The following ERMN variants were observed in gnomAD, a reference collection of about 807,000 sequenced individuals.
ERMN encodes the protein ermin.
Under a neutral mutation model 21.4 loss-of-function variants are expected in ERMN, and 17 were observed. The observed-to-expected ratio is 0.80, with a 90% CI of 0.54 to 1.19. The LOEUF is 1.19. ERMN is among the 50% of genes most tolerant of loss of function. The pLI, the probability that ERMN is intolerant of heterozygous loss-of-function variation, is 0.00. For synonymous variants in ERMN, 115 were observed against 111.9 expected, an observed-to-expected ratio of 1.03 and a Z score of -0.17; for missense variants, 348 against 331.6, an observed-to-expected ratio of 1.05 and a Z score of -0.38.
Position 157,321,385 on chromosome 2 carries a change from C to T in ERMN, c.741G>A (p.Lys247=). ...TPDEQPTLGK[K]SDISRNAYSR... ...AATAAGCATTTCTGGAGATATCACT[C>T]TTCTTCCCTAAGGTTGGCTGCTCAT... Residue 247 remains lysine (K), a synonymous_variant, in exon 3 of 3, where the codon AAG becomes AAA. Coordinates refer to ENST00000410096, the MANE Select transcript of ERMN (RefSeq NM_020711.3). The T allele has an allele frequency of 6.2e-7, 1 of 1,614,136 alleles. No individual in the cohort carries two copies. The highest frequency in any genetic ancestry group is 8.5e-7 in the Non-Finnish European group (1 of 1,180,004).
rs1253333573 is a variant in ERMN at position 157,320,079 on chromosome 2, C to T, written c.*1192G>A. On this transcript the variant is annotated 3_prime_UTR_variant, in exon 3 of 3. Coordinates refer to ENST00000410096, the MANE Select transcript of ERMN (RefSeq NM_020711.3). ...AAGTTCAGGGTAATATATATGGAAG[C>T]ATGAAATGAAAAATTGTGGAACAAA... The T allele has an allele frequency of 6.6e-6, 1 of 152,128 alleles. No homozygotes were observed. The highest frequency in any genetic ancestry group is 2.4e-5 in the African/African-American group (1 of 41,412). The allele number at this position is 152,128 out of a possible 1,614,324, so 9.4% of individuals were successfully genotyped here.
At chr2:157,325,890 A>G (rs1290638503), upstream of ERMN, 1 of 1,389,912 alleles carries the variant, frequency 7.2e-7, no homozygotes, top group Non-Finnish European at 9.3e-7. Flanking sequence ...GCCAATCACC[A>G]CCTTCTTTGT....
intron 2 of ERMN, chr2:157,324,239 T>A: frequency 4.3e-6 from 1 of 231,574 alleles, no homozygotes; most frequent in Middle Eastern, 6.8e-4. Context: ...ACCATTGCAC[T>A]CCAGCCTGGG....
At chr2:157,324,842 T>C in intron 1 of ERMN, 80 bp from the exon 2 acceptor site, 1 of 986,094 alleles carries the variant, frequency 1.0e-6, no homozygotes, top group Non-Finnish European at 1.5e-6. Flanking sequence ...CAATTTAAAC[T>C]CTAGGTAGAA....
chr2:157,325,899 G>A (rs1304236966), upstream of ERMN: 3 of 1,382,878 alleles, frequency 2.2e-6, no homozygotes, highest in Non-Finnish European at 2.8e-6. Context: ...CACCTTCTTT[G>A]TTGCTTGCCA....
Position 157,321,136 on chromosome 2 carries a change from T to G in ERMN, c.*135A>C. 7.7e-7 allele frequency: 1 copy of G among 1,294,946 alleles called. No individual in the cohort carries two copies. The highest frequency in any genetic ancestry group is 2.3e-5 in the East Asian group (1 of 42,590). The allele number at this position is 1,294,946 out of a possible 1,614,324, so 80.2% of individuals were successfully genotyped here. A position where few individuals can be genotyped will look rare whatever the true frequency, so the allele number is the denominator to read the frequency against. Reference sequence around the variant, plus strand: ...TTATCTAGGGTTATTTCCACATTATTCTACAGTGAAAAAGAGAGTCAACTT... The same window carrying G: ...TTATCTAGGGTTATTTCCACATTATGCTACAGTGAAAAAGAGAGTCAACTT... On this transcript the variant is annotated 3_prime_UTR_variant, in exon 3 of 3. Coordinates refer to ENST00000410096, the MANE Select transcript of ERMN (RefSeq NM_020711.3).
upstream of ERMN, among the ~76,000 whole-genome samples, chr2:157,326,338 G>A (rs1684067269): frequency 6.6e-6 from 1 of 152,160 alleles, no homozygotes; most frequent in Admixed American, 6.5e-5. Flanking sequence ...GCTGGAGAAG[G>A]GACCTATGAA....
rs749935987 is a variant in ERMN, at chr2:157,321,549, T to C, written c.577A>G (p.Asn193Asp). 4.3e-6 allele frequency: 7 copies of C among 1,612,946 alleles called. No homozygotes were observed. The highest frequency in any genetic ancestry group is 2.2e-5 in the East Asian group (1 of 44,856). The change falls in exon 3 of 3, where the codon AAT becomes GAT. Residue 193 changes from asparagine (N) to aspartate (D), a missense_variant. By Grantham distance (23) the Asn-to-Asp change is conservative (BLOSUM62 1). Transcript: ENST00000410096. The stretch of plus-strand genomic sequence containing the variant: ...ACTTCATCTTCATCATTATTGCAAT[T>C]ATCATCATCATCATCATCAATTTCT... ...DEEIDDDDDDNCNNDEDEVRV... is the reference protein window; with the variant it reads ...DEEIDDDDDDDCNNDEDEVRV...
intron 1 of ERMN, 52 bp from the exon 2 acceptor site, chr2:157,324,814 C>G (rs756113873): frequency 2.3e-6 from 3 of 1,297,060 alleles, no homozygotes; most frequent in Non-Finnish European, 3.2e-6. Flanking sequence ...ATTTATTGTT[C>G]AACAGTTAAT....
In ERMN at chr2:157,321,302, A is replaced by G. The variant is rs1333252383; in HGVS notation, c.824T>C (p.Ile275Thr). Reference sequence around the variant, plus strand: ...ATGCATCATAGACTCGAATTCATCAATTCTTTGCTTGGTATTTCCCTTTCT... The same window carrying G: ...ATGCATCATAGACTCGAATTCATCAGTTCTTTGCTTGGTATTTCCCTTTCT... The part of the protein sequence containing the change: ...KIRKGNTKQR[I>T]DEFESMMHL Residue 275 changes from isoleucine to threonine, a missense_variant, in exon 3 of 3, where the codon ATT (isoleucine) becomes ACT (threonine). Ile to Thr is a moderately conservative substitution (Grantham distance 89, BLOSUM62 -1). Transcript: ENST00000410096. 3 of 1,613,654 alleles carry G rather than the reference A, an allele frequency of 1.9e-6. No individual in the cohort carries two copies. The highest frequency in any genetic ancestry group is 2.5e-6 in the Non-Finnish European group (3 of 1,179,816).
chr2:157,324,272 CAA>C (rs748983472), intron 2 of ERMN: 963 of 94,276 alleles, frequency 0.01, no homozygotes, highest in South Asian at 0.036. Flanking sequence ...CACTCCGTCT[CAA>C]AAAAAAAAAA....
rs1375194747 is a variant in ERMN at position 157,321,528 on chromosome 2, C to T, written c.598G>A (p.Glu200Lys). The T allele has an allele frequency of 1.2e-6, 2 of 1,614,012 alleles. No individual in the cohort carries two copies. Among genetic ancestry groups the T allele is most frequent in the Non-Finnish European group, 1.7e-6 (2 of 1,179,982 alleles). The change falls in exon 3 of 3, where the codon GAA becomes AAA. Residue 200 changes from glutamate to lysine, a missense_variant. Physicochemically the swap from Glu to Lys is moderately conservative, Grantham distance 56. Coordinates refer to ENST00000410096, the MANE Select transcript of ERMN (RefSeq NM_020711.3). ...DDDNCNNDED[E>K]VRVIEFKKKH... ...TTCTTAAATTCTATCACTCGAACTT[C>T]ATCTTCATCATTATTGCAATTATCA...
Position 157,320,126 on chromosome 2 carries a change from G to T in ERMN, c.*1145C>A, listed in dbSNP as rs1056359525. 1 of 152,396 alleles carries T rather than the reference G, an allele frequency of 6.6e-6. No individual in the cohort carries two copies. The highest frequency in any genetic ancestry group is 1.5e-5 in the Non-Finnish European group (1 of 68,000). 9.4% of individuals were successfully genotyped at this position (152,396 alleles called of 1,614,324 possible). A position where few individuals can be genotyped will look rare whatever the true frequency, so the allele number is the denominator to read the frequency against. ...CAAACTATCTAAGAATATAAATATA[G>T]TCTCTCTTTTCATAAATATTCAATA... On this transcript the variant is annotated 3_prime_UTR_variant, in exon 3 of 3. Coordinates refer to ENST00000410096, the MANE Select transcript of ERMN (RefSeq NM_020711.3).
chr2:157,320,963 C>T lies in ERMN; in HGVS notation c.*308G>A, dbSNP rs1683874417. 1 of 275,202 alleles carries T rather than the reference C, an allele frequency of 3.6e-6. No homozygotes were observed. The highest frequency in any genetic ancestry group is 6.8e-6 in the Non-Finnish European group (1 of 146,300). 17.0% of individuals were successfully genotyped at this position (275,202 alleles called of 1,614,324 possible). A position where few individuals can be genotyped will look rare whatever the true frequency, so the allele number is the denominator to read the frequency against. ...TTGATGACTACCTTTCCAAGCATTG[C>T]TACATTTATAGCCGAATTATGCCAG... On this transcript the variant is annotated 3_prime_UTR_variant, in exon 3 of 3. Transcript: ENST00000410096.
Position 157,320,999 on chromosome 2 carries a change from G to T in ERMN, c.*272C>A, listed in dbSNP as rs1280009175. On this transcript the variant is annotated 3_prime_UTR_variant, in exon 3 of 3. Coordinates refer to ENST00000410096, the MANE Select transcript of ERMN (RefSeq NM_020711.3). ...GCCGAATTATGCCAGATTCCCCCAG[G>T]GGACTGACTGCTTAGTGCTTATCAC... 2 of 355,232 alleles carry T rather than the reference G, an allele frequency of 5.6e-6. No individual in the cohort carries two copies. Among genetic ancestry groups the T allele is most frequent in the African/African-American group, 2.1e-5 (1 of 47,418 alleles). 22.0% of individuals were successfully genotyped at this position (355,232 alleles called of 1,614,324 possible).
intron 2 of ERMN, chr2:157,324,365 T>A: frequency 3.0e-6 from 1 of 329,896 alleles, no homozygotes; most frequent in South Asian, 3.3e-5. Flanking sequence ...ACACACAGAT[T>A]TGGACACACC....
chr2:157,322,473 C>T (rs2105187156), intron 2 of ERMN, among the ~76,000 whole-genome samples: 1 of 152,330 alleles, frequency 6.6e-6, no homozygotes, highest in South Asian at 2.1e-4. Flanking sequence ...TGCAAGGCTT[C>T]TGTGGGAAGT....
chr2:157,323,910 T>A lies in ERMN; in HGVS notation c.334+760A>T, dbSNP rs1408519368. Among the ~76,000 whole-genome samples, 5 of 152,196 alleles carry A rather than the reference T, an allele frequency of 3.3e-5. No homozygotes were observed. The East Asian group carries it at 9.6e-4, about 29-fold the overall frequency. On this transcript the variant is annotated intron_variant, in intron 2 of 2. Transcript: ENST00000410096. ...ACATGAAATAGTTAACAATTTTGTA[T>A]TTACATTAGAGGCCTATAAAGTAAA...
At chr2:157,324,272 CAAAAAA>C in intron 2 of ERMN, 1 of 93,016 alleles carries the variant, frequency 1.1e-5, no homozygotes, top group Non-Finnish European at 2.2e-5. Flanking sequence ...CACTCCGTCT[CAAAAAA>C]AAAAAAAAAA....
Sources: gnomAD v4.1 joint callset for allele counts (sites outside exome capture counted in the v4.1 genomes callset) on GRCh38, gnomAD v4.1.1 for gene constraint, MANE v1.5 for transcripts, NCBI Gene and HGNC (gene_info 2026-07-23, HGNC 2026-07-21) for gene names.